RASEF: variants seen among roughly 807,000 people sequenced by gnomAD.
RASEF encodes ras and EF-hand domain-containing protein.
Under a neutral mutation model 90.1 loss-of-function variants are expected in RASEF, and 68 were observed. The ratio of observed to expected loss-of-function variants is 0.75; its 90% confidence interval spans 0.62 to 0.92. The LOEUF (loss-of-function observed/expected upper bound fraction) is 0.92, where lower values mean the gene tolerates loss of function less well. Ranked by LOEUF, RASEF falls within the 40% of genes least tolerant of loss-of-function variation. The probability of loss-of-function intolerance (pLI) is 0.00; values close to 1 mark genes in which losing one functional copy is unlikely to be tolerated. For synonymous variants in RASEF, 331 were observed against 345.2 expected, an observed-to-expected ratio of 0.96 and a Z score of 0.46; for missense variants, 949 against 937.2, an observed-to-expected ratio of 1.01 and a Z score of -0.16.
At chr9:83,085,323 C>A in the RASEF span, among the ~76,000 whole-genome samples, 2 of 152,206 alleles carry the variant, frequency 1.3e-5, no homozygotes, top group Non-Finnish European at 2.9e-5. Context: ...GACATGAAAT[C>A]ATTCAAGCAT....
At chr9:83,152,897 G>C in the RASEF span, among the ~76,000 whole-genome samples, 26 of 152,130 alleles carry the variant, frequency 1.7e-4, no homozygotes, top group Admixed American at 9.2e-4. Flanking sequence ...ATCCTTGCTA[G>C]CCACAGACAC....
At chr9:83,082,858 TAGAA>T in the RASEF span, among the ~76,000 whole-genome samples, 1 of 152,178 alleles carries the variant, frequency 6.6e-6, no homozygotes, top group African/African-American at 2.4e-5. Context: ...GAACTATTAT[TAGAA>T]AGAGGGATGA....
At chr9:83,019,396 A>G (rs1271184056) in intron 3 of RASEF, among the ~76,000 whole-genome samples, 1 of 152,194 alleles carries the variant, frequency 6.6e-6, no homozygotes. Context: ...CATTAGAGAG[A>G]TGCAAGTTAA....
the RASEF span, among the ~76,000 whole-genome samples, chr9:83,108,859 C>T: frequency 2.0e-5 from 3 of 152,138 alleles, no homozygotes; most frequent in Admixed American, 6.5e-5. Context: ...CTGTATCTAT[C>T]AATCCATTTG....
the RASEF span, among the ~76,000 whole-genome samples, chr9:83,153,992 T>C: frequency 6.6e-6 from 1 of 152,188 alleles, no homozygotes; most frequent in Non-Finnish European, 1.5e-5. Context: ...GCGTATAGCG[T>C]CTCAACATCT....
At chr9:83,215,701 G>A in the RASEF span, among the ~76,000 whole-genome samples, 1 of 152,204 alleles carries the variant, frequency 6.6e-6, no homozygotes, top group East Asian at 1.9e-4. Flanking sequence ...CTGCTGCAAA[G>A]GTACCTGAAA....
the RASEF span, among the ~76,000 whole-genome samples, chr9:83,086,429 A>G: frequency 6.6e-6 from 1 of 152,346 alleles, no homozygotes; most frequent in East Asian, 1.9e-4. Flanking sequence ...TATACTGAAC[A>G]GTTCTCAATG....
chr9:83,001,875 C>CT (rs1829046547), intron 9 of RASEF, among the ~76,000 whole-genome samples: 1 of 152,184 alleles, frequency 6.6e-6, no homozygotes, highest in Admixed American at 6.5e-5. Context: ...GACACACCGT[C>CT]TGGAAACACC....
chr9:83,007,799 C>T (rs1468898572), intron 6 of RASEF, among the ~76,000 whole-genome samples: 1 of 152,196 alleles, frequency 6.6e-6, no homozygotes, highest in Non-Finnish European at 1.5e-5. Context: ...ACCACCAGCT[C>T]TTCCATCCCC....
chr9:83,181,067 A>G, the RASEF span, among the ~76,000 whole-genome samples: 1 of 150,036 alleles, frequency 6.7e-6, no homozygotes, highest in Non-Finnish European at 1.5e-5. Flanking sequence ...ATTATTAGGC[A>G]CCCCTTTTAC....
chr9:82,988,738 C>T (rs780981842), intron 16 of RASEF, among the ~76,000 whole-genome samples: 7 of 152,114 alleles, frequency 4.6e-5, no homozygotes, highest in Non-Finnish European at 5.9e-5. Flanking sequence ...GGAGTAAACG[C>T]TCCCTGAGAT....
chr9:83,047,676 G>A (rs1043926638), intron 1 of RASEF, among the ~76,000 whole-genome samples: 1 of 152,172 alleles, frequency 6.6e-6, no homozygotes, highest in Non-Finnish European at 1.5e-5. Flanking sequence ...AACATCTGTT[G>A]AGCCTGAGTG....
chr9:83,127,329 T>C, the RASEF span, among the ~76,000 whole-genome samples: 3 of 152,246 alleles, frequency 2.0e-5, no homozygotes, highest in African/African-American at 7.2e-5. Flanking sequence ...GATGCTTTTT[T>C]CTGTAGGACA....
chr9:83,216,646 A>C, the RASEF span, among the ~76,000 whole-genome samples: 5 of 152,306 alleles, frequency 3.3e-5, no homozygotes, highest in East Asian at 9.7e-4. Context: ...TGCGAAAGGG[A>C]AATGTGGGGT....
chr9:83,213,422 A>C, the RASEF span, among the ~76,000 whole-genome samples: 1 of 152,084 alleles, frequency 6.6e-6, no homozygotes, highest in Non-Finnish European at 1.5e-5. Flanking sequence ...AAAGATAAAA[A>C]TAAAAAGTAA....
the RASEF span, among the ~76,000 whole-genome samples, chr9:83,145,276 T>C: frequency 5.9e-5 from 9 of 152,060 alleles, 1 homozygote; most frequent in Middle Eastern, 3.4e-3. Context: ...TGGAGTGGAG[T>C]TGTACCATGA....
chr9:83,128,363 G>A, the RASEF span, among the ~76,000 whole-genome samples: 12 of 151,582 alleles, frequency 7.9e-5, no homozygotes, highest in South Asian at 1.2e-3. Flanking sequence ...GCTTTCCTCT[G>A]ATTGGTCCCC....
the RASEF span, among the ~76,000 whole-genome samples, chr9:83,169,931 A>T: frequency 3.3e-5 from 5 of 151,928 alleles, no homozygotes; most frequent in African/African-American, 1.2e-4. Flanking sequence ...TTTTAGCTTG[A>T]TATAATCCCA....
chr9:83,052,974 A>T (rs1202288543), intron 1 of RASEF, among the ~76,000 whole-genome samples: 1 of 137,858 alleles, frequency 7.3e-6, no homozygotes, highest in East Asian at 2.2e-4. Flanking sequence ...GTATGTGGTC[A>T]ATTTTGGAAT....
Sources: gnomAD v4.1 joint callset for allele counts (sites outside exome capture counted in the v4.1 genomes callset) on GRCh38, gnomAD v4.1.1 for gene constraint, MANE v1.5 for transcripts, NCBI Gene and HGNC (gene_info 2026-07-23, HGNC 2026-07-21) for gene names.